SLC49A4: variants seen among roughly 807,000 people sequenced by gnomAD.
The protein encoded by SLC49A4 is disrupted in renal cancer protein 2.
Under a neutral mutation model 50.6 loss-of-function variants are expected in SLC49A4, and 36 were observed. The ratio of observed to expected loss-of-function variants is 0.71; its 90% confidence interval spans 0.55 to 0.94. The LOEUF (loss-of-function observed/expected upper bound fraction) is 0.94, where lower values mean the gene tolerates loss of function less well. SLC49A4 is among the 40% of genes least tolerant of loss of function. The pLI is 0.00. For missense variants in SLC49A4, 503 were observed against 605.7 expected (o/e 0.83, Z 1.78); for synonymous variants, 248 against 241.2 (o/e 1.03, Z -0.26).
intron 4 of SLC49A4, among the ~76,000 whole-genome samples, chr3:122,838,516 T>G (rs1229106056): frequency 8.0e-6 from 1 of 125,234 alleles, no homozygotes; most frequent in African/African-American, 3.1e-5. Flanking sequence ...TGAGAACACA[T>G]GGACACAAGA....
intron 1 of SLC49A4, among the ~76,000 whole-genome samples, chr3:122,801,327 T>C (rs1936124970): frequency 6.6e-6 from 1 of 152,130 alleles, no homozygotes; most frequent in South Asian, 2.1e-4. Context: ...ATTGAGATTA[T>C]GGCCTGTAAT....
intron 4 of SLC49A4, among the ~76,000 whole-genome samples, chr3:122,837,837 T>G (rs1342478861): frequency 6.6e-6 from 1 of 152,020 alleles, no homozygotes; most frequent in Admixed American, 6.6e-5. Flanking sequence ...ATATCCAGAA[T>G]CTACAATGAA....
intron 7 of SLC49A4, among the ~76,000 whole-genome samples, chr3:122,865,714 A>G (rs1937110113): frequency 6.6e-6 from 1 of 152,210 alleles, no homozygotes; most frequent in African/African-American, 2.4e-5. Flanking sequence ...GGATTGTGAA[A>G]TATTTGTAAT....
chr3:122,801,515 C>G (rs1936131119), intron 1 of SLC49A4, among the ~76,000 whole-genome samples: 1 of 152,140 alleles, frequency 6.6e-6, no homozygotes, highest in Non-Finnish European at 1.5e-5. Flanking sequence ...CACTTGAACC[C>G]AGAAGGCGGA....
At chr3:122,844,049 G>A (rs1421433980) in intron 4 of SLC49A4, among the ~76,000 whole-genome samples, 2 of 152,068 alleles carry the variant, frequency 1.3e-5, no homozygotes, top group African/African-American at 4.8e-5. Flanking sequence ...CCTCATGCAC[G>A]TCACCATAGA....
At chr3:122,878,273 T>C (rs1030884505) in intron 8 of SLC49A4, among the ~76,000 whole-genome samples, 10 of 152,238 alleles carry the variant, frequency 6.6e-5, no homozygotes, top group African/African-American at 2.4e-4. Flanking sequence ...TCCTTGTTTA[T>C]TTTTTGAATT....
intron 2 of SLC49A4, among the ~76,000 whole-genome samples, chr3:122,809,786 AT>A (rs1936274028): frequency 6.6e-6 from 1 of 152,212 alleles, no homozygotes. Flanking sequence ...AAGTTCAGAG[AT>A]TGAATCTTTC....
intron 7 of SLC49A4, among the ~76,000 whole-genome samples, chr3:122,871,484 T>G (rs1175227321): frequency 6.6e-6 from 1 of 152,132 alleles, no homozygotes; most frequent in African/African-American, 2.4e-5. Context: ...CCATACAGGA[T>G]TGTTTTTTTC....
At chr3:122,806,725 T>A in intron 1 of SLC49A4, 132 bp from the exon 2 acceptor site, 3 of 578,018 alleles carry the variant, frequency 5.2e-6, no homozygotes, top group Non-Finnish European at 9.2e-6. Context: ...TTTTTTTCCA[T>A]TTTTAAAGTT....
At chr3:122,878,004 G>A (rs1937286499) in intron 8 of SLC49A4, among the ~76,000 whole-genome samples, 1 of 152,188 alleles carries the variant, frequency 6.6e-6, no homozygotes, top group African/African-American at 2.4e-5. Context: ...GAGGTGGGGA[G>A]TCTGTATTTG....
intron 4 of SLC49A4, among the ~76,000 whole-genome samples, chr3:122,836,635 C>G (rs1936691779): frequency 6.6e-6 from 1 of 152,090 alleles, no homozygotes; most frequent in Non-Finnish European, 1.5e-5. Context: ...TAGGAGCATT[C>G]CCTTTGAAAA....
At chr3:122,870,527 G>A (rs1937182777) in intron 7 of SLC49A4, among the ~76,000 whole-genome samples, 1 of 151,440 alleles carries the variant, frequency 6.6e-6, no homozygotes, top group Non-Finnish European at 1.5e-5. Flanking sequence ...GATTATTCTA[G>A]GTCAGGTGCG....
chr3:122,818,224 A>G (rs1936404427), intron 2 of SLC49A4, among the ~76,000 whole-genome samples: 1 of 152,206 alleles, frequency 6.6e-6, no homozygotes, highest in African/African-American at 2.4e-5. Context: ...ATTATTATAA[A>G]GAATAATGAA....
intron 2 of SLC49A4, among the ~76,000 whole-genome samples, chr3:122,819,069 C>A (rs561939812): frequency 1.3e-5 from 2 of 151,738 alleles, no homozygotes; most frequent in Admixed American, 1.3e-4. Flanking sequence ...GGTAACATAG[C>A]AAGACCCTGT....
intron 7 of SLC49A4, among the ~76,000 whole-genome samples, chr3:122,871,458 T>G (rs906369668): frequency 6.6e-6 from 1 of 152,152 alleles, no homozygotes; most frequent in African/African-American, 2.4e-5. Flanking sequence ...TGTAACTTCC[T>G]TACTTTCTGC....
intron 6 of SLC49A4, 106 bp from the exon 7 acceptor site, chr3:122,859,969 A>G: frequency 1.9e-6 from 2 of 1,030,256 alleles, no homozygotes; most frequent in Non-Finnish European, 1.3e-6. Flanking sequence ...TGTCTTTTAA[A>G]AGAATATATG....
Position 122,829,665 on chromosome 3 carries a change from G to A in SLC49A4, c.703+2600G>A, listed in dbSNP as rs551210166. 7.9e-5 allele frequency among the ~76,000 whole-genome samples: 12 copies of A among 152,290 alleles called. No homozygotes were observed. The South Asian group carries it at 1.0e-3, about 13-fold the overall frequency. On this transcript the variant is annotated intron_variant, in intron 3 of 8. Coordinates refer to ENST00000261038, the MANE Select transcript of SLC49A4 (RefSeq NM_032839.3). Reference sequence around the variant, plus strand: ...CTCGGGAGGCTGAGGCACGAGAATCGTTTGAGCCTGGGAGGCAGAGGTTAT... The same window carrying A: ...CTCGGGAGGCTGAGGCACGAGAATCATTTGAGCCTGGGAGGCAGAGGTTAT...
chr3:122,799,003 C>T (rs1209562241), intron 1 of SLC49A4, among the ~76,000 whole-genome samples: 1 of 152,030 alleles, frequency 6.6e-6, no homozygotes. Context: ...CCTTCCCACC[C>T]TTTTTCATTT....
intron 2 of SLC49A4, among the ~76,000 whole-genome samples, chr3:122,825,255 T>G (rs1936510230): frequency 6.6e-6 from 1 of 152,220 alleles, no homozygotes; most frequent in African/African-American, 2.4e-5. Flanking sequence ...CATGCAATGA[T>G]TAAAACCACT....
Sources: gnomAD v4.1 joint callset for allele counts (sites outside exome capture counted in the v4.1 genomes callset) on GRCh38, gnomAD v4.1.1 for gene constraint, MANE v1.5 for transcripts, NCBI Gene and HGNC (gene_info 2026-07-23, HGNC 2026-07-21) for gene names.